The following TMEM204 variants were observed in gnomAD, a reference collection of about 807,000 sequenced individuals.
The protein encoded by TMEM204 is transmembrane protein 204.
TMEM204 carries 15 observed loss-of-function variants against 19.4 expected under a neutral mutation model. The ratio of observed to expected loss-of-function variants is 0.77; its 90% confidence interval spans 0.52 to 1.19. The LOEUF is 1.19. TMEM204 is among the 50% of genes most tolerant of loss of function. The probability of loss-of-function intolerance (pLI) is 0.00; values close to 1 mark genes in which losing one functional copy is unlikely to be tolerated. For missense variants in TMEM204, 287 were observed against 321.2 expected, an observed-to-expected ratio of 0.89 and a Z score of 0.81; for synonymous variants, 161 against 146.0, an observed-to-expected ratio of 1.10 and a Z score of -0.74.
At chr16:1,531,132 G>A (rs958685591), upstream of TMEM204, 5 of 152,278 alleles carry the variant, frequency 3.3e-5, no homozygotes, top group African/African-American at 1.2e-4. The surrounding 1 kb of genome is among the most constrained non-coding windows in gnomAD (Gnocchi z 4.7). Context: ...CCACTCCGGT[G>A]TGGGGTTCTG....
intron 2 of TMEM204, among the ~76,000 whole-genome samples, chr16:1,548,175 C>T (rs2032331011): frequency 1.3e-5 from 2 of 152,316 alleles, no homozygotes; most frequent in Non-Finnish European, 2.9e-5. Flanking sequence ...AAATGCCAGC[C>T]CCAGCAGGGA....
chr16:1,541,460 C>A (rs370396926), intron 1 of TMEM204: 5 of 985,400 alleles, frequency 5.1e-6, no homozygotes, highest in South Asian at 4.7e-5. Context: ...CAGGACAGCA[C>A]GCCTGAGGAG....
intron 2 of TMEM204, among the ~76,000 whole-genome samples, chr16:1,549,620 T>C (rs1217314245): frequency 2.6e-5 from 4 of 152,008 alleles, no homozygotes; most frequent in Non-Finnish European, 4.4e-5. Flanking sequence ...TTAGTAGAGA[T>C]GGGGTTTCCC....
At chr16:1,554,434 T>G (rs2032925701) in intron 2 of TMEM204, among the ~76,000 whole-genome samples, 1 of 152,210 alleles carries the variant, frequency 6.6e-6, no homozygotes, top group African/African-American at 2.4e-5. Flanking sequence ...GCATCAGTGC[T>G]GACCTGAAGA....
In TMEM204 at chr16:1,551,287, G is replaced by A. The variant is rs1163569401; in HGVS notation, c.437-3495G>A. 2.6e-5 allele frequency among the ~76,000 whole-genome samples: 4 copies of A among 152,180 alleles called. No individual in the cohort carries two copies. The highest frequency in any genetic ancestry group is 2.0e-4 in the Admixed American group (3 of 15,288). On this transcript the variant is annotated intron_variant, in intron 2 of 2. Coordinates refer to ENST00000566264, the MANE Select transcript of TMEM204 (RefSeq NM_024600.6). This position sits in a 1 kb window ranked among gnomAD's most constrained non-coding sequence, Gnocchi z 4.0. ...AAAGACACAATGACCACGGCTGGCA[G>A]GGGTGGGCAGGTGCAACTCTAAGCC...
chr16:1,532,054 G>A (rs1465120473), upstream of TMEM204: 4 of 152,352 alleles, frequency 2.6e-5, no homozygotes, highest in South Asian at 4.1e-4. Flanking sequence ...CTTCTGCACC[G>A]TGTGCTTAGG....
intron 1 of TMEM204, among the ~76,000 whole-genome samples, chr16:1,539,615 G>A (rs2031430329): frequency 6.6e-5 from 10 of 152,260 alleles, no homozygotes; most frequent in Admixed American, 6.5e-4. Flanking sequence ...GGAGCGCTAT[G>A]GTTTCTAACT....
intron 2 of TMEM204, among the ~76,000 whole-genome samples, chr16:1,544,206 C>G (rs573587293): frequency 7.1e-6 from 1 of 140,996 alleles, no homozygotes; most frequent in Non-Finnish European, 1.5e-5. Context: ...TTTTTTGAGA[C>G]GAAGTCTCAC....
Position 1,534,545 on chromosome 16 carries a change from C to T in TMEM204, c.270C>T (p.Gly90=). Residue 90 remains glycine, a synonymous_variant, in exon 1 of 3, where the codon GGC becomes GGT. Transcript: ENST00000566264. ...SEAAGFQESR[G]TVKLQFDMMR... ...CAGCCGGCTTCCAGGAGTCCCGAGG[C>T]ACCGTCAAACGTAAGTCCAATTGTT... 1 of 1,603,476 alleles carries T rather than the reference C, an allele frequency of 6.2e-7. No homozygotes were observed. Among genetic ancestry groups the T allele is most frequent in the Non-Finnish European group, 8.5e-7 (1 of 1,179,862 alleles).
chr16:1,553,583 CAG>C lies in TMEM204; in HGVS notation c.437-1194_437-1193del, dbSNP rs1177844986. On this transcript the variant is annotated intron_variant, in intron 2 of 2. Transcript: ENST00000566264. The surrounding 1 kb of genome is among the most constrained non-coding windows in gnomAD (Gnocchi z 4.4). ...GTTTAATCTGGACCAGTGTAAGTTA[CAG>C]AGAGTCTCTGGCACTTTGGGTACAA... is the stretch of plus-strand genomic sequence containing the variant. The C allele has an allele frequency of 1.9e-5, 19 of 1,023,398 alleles. No homozygotes were observed. Among genetic ancestry groups the C allele is most frequent in the East Asian group, 8.4e-5 (1 of 11,888 alleles). The allele number at this position is 1,023,398 out of a possible 1,614,324, so 63.4% of individuals were successfully genotyped here. A position where few individuals can be genotyped will look rare whatever the true frequency, so the allele number is the denominator to read the frequency against.
rs2032815681 is a variant in TMEM204 at position 1,553,210 on chromosome 16, GTCTC to G, written c.437-1566_437-1563del. 4.1e-6 allele frequency: 4 copies of G among 979,312 alleles called. No individual in the cohort carries two copies. Among genetic ancestry groups the G allele is most frequent in the Non-Finnish European group, 4.9e-6 (4 of 824,498 alleles). 60.7% of individuals were successfully genotyped at this position (979,312 alleles called of 1,614,324 possible). ...TCTCCTTCCCTGTGTCTCTGTCTCTGTCTCTCTCTGTCTCCATCTGTCTCTGTGT... is the reference window on the plus strand; with the variant it reads ...TCTCCTTCCCTGTGTCTCTGTCTCTGTCTCTGTCTCCATCTGTCTCTGTGT... On this transcript the variant is annotated intron_variant, in intron 2 of 2. Coordinates refer to ENST00000566264, the MANE Select transcript of TMEM204 (RefSeq NM_024600.6). The surrounding 1 kb of genome is among the most constrained non-coding windows in gnomAD (Gnocchi z 4.4).
intron 1 of TMEM204, among the ~76,000 whole-genome samples, chr16:1,535,708 A>G (rs2030994022): frequency 6.6e-6 from 1 of 152,246 alleles, no homozygotes; most frequent in Non-Finnish European, 1.5e-5. Flanking sequence ...TGTGGCTTGG[A>G]CAAGGTCCCA....
intron 1 of TMEM204, among the ~76,000 whole-genome samples, chr16:1,537,771 G>A (rs151128677): frequency 2.0e-5 from 3 of 152,342 alleles, no homozygotes; most frequent in South Asian, 2.1e-4. Context: ...ACAGATGACC[G>A]TGTGATTGAA....
intron 2 of TMEM204, among the ~76,000 whole-genome samples, chr16:1,543,453 C>A (rs776787565): frequency 5.3e-5 from 8 of 152,218 alleles, no homozygotes; most frequent in Non-Finnish European, 1.2e-4. Context: ...CAAGTCACTT[C>A]CCCTGGCGGG....
chr16:1,530,124 G>C (rs538926757), upstream of TMEM204, among the ~76,000 whole-genome samples: 3 of 134,788 alleles, frequency 2.2e-5, no homozygotes, highest in Admixed American at 2.1e-4. Flanking sequence ...AAGACTTCAC[G>C]ACGGGAATCT....
In TMEM204 at chr16:1,555,276, C is replaced by A; in HGVS notation, c.*250C>A. The A allele has an allele frequency of 2.0e-6, 1 of 502,814 alleles. No homozygotes were observed. Among genetic ancestry groups the A allele is most frequent in the East Asian group, 3.6e-5 (1 of 27,834 alleles). The allele number at this position is 502,814 out of a possible 1,614,324, so 31.1% of individuals were successfully genotyped here. ...TTAGCGCAACGCGGCTCCACGACCA[C>A]ACGCACTTCAGGGTGGAAGCTGGAA... is the stretch of plus-strand genomic sequence containing the variant. On this transcript the variant is annotated 3_prime_UTR_variant, in exon 3 of 3. Transcript: ENST00000566264.
At chr16:1,529,158 T>C (rs920957395), upstream of TMEM204, among the ~76,000 whole-genome samples, 5 of 152,132 alleles carry the variant, frequency 3.3e-5, no homozygotes, top group Admixed American at 2.0e-4. Flanking sequence ...CTCGGGTGAA[T>C]TCCACGGACG....
At chr16:1,540,012 G>C (rs1039004074) in intron 1 of TMEM204, among the ~76,000 whole-genome samples, 12 of 152,216 alleles carry the variant, frequency 7.9e-5, no homozygotes, top group Non-Finnish European at 1.3e-4. Context: ...CGCCCCGAGT[G>C]ACAGGAGGGG....
In TMEM204 at chr16:1,551,668, G is replaced by C. The variant is rs2032647055; in HGVS notation, c.437-3114G>C. Reference sequence around the variant, plus strand: ...TCCTCACTGTCGAACCCAACTTCAGGACATGCTTGTTCACGGAAGAGCCTA... The same window carrying C: ...TCCTCACTGTCGAACCCAACTTCAGCACATGCTTGTTCACGGAAGAGCCTA... On this transcript the variant is annotated intron_variant, in intron 2 of 2. Transcript: ENST00000566264. The surrounding 1 kb of genome is among the most constrained non-coding windows in gnomAD (Gnocchi z 4.0). Among the ~76,000 whole-genome samples, 1 of 152,198 alleles carries C rather than the reference G, an allele frequency of 6.6e-6. No individual in the cohort carries two copies.
Sources: allele counts gnomAD v4.1 joint callset (sites outside exome capture counted in the v4.1 genomes callset), GRCh38; gene constraint gnomAD v4.1.1; non-coding constraint Gnocchi (gnomAD v3.1); transcripts MANE v1.5; gene names NCBI Gene and HGNC (gene_info 2026-07-23, HGNC 2026-07-21).